BANK1: variants seen among roughly 807,000 people sequenced by gnomAD.
BANK1 encodes B cell scaffold protein with ankyrin repeats 1.
Under a neutral mutation model 94.5 loss-of-function variants are expected in BANK1, and 95 were observed. That is an observed-to-expected ratio of 1.00 (90% CI 0.85 to 1.19). The LOEUF is 1.19. Ranked by LOEUF, BANK1 falls within the 50% of genes most tolerant of loss-of-function variation. The probability of loss-of-function intolerance (pLI) is 0.00; values close to 1 mark genes in which losing one functional copy is unlikely to be tolerated. For synonymous variants in BANK1, 334 were observed against 308.4 expected (o/e 1.08, Z -0.87); for missense variants, 987 against 932.2 (o/e 1.06, Z -0.77).
At chr4:101,928,985 G>A (rs1723252870) in intron 7 of BANK1, among the ~76,000 whole-genome samples, 2 of 151,650 alleles carry the variant, frequency 1.3e-5, no homozygotes, top group South Asian at 4.1e-4. Flanking sequence ...GAGCTGTGAA[G>A]CCACCAAATA....
chr4:101,840,510 G>A (rs144720416), intron 2 of BANK1, among the ~76,000 whole-genome samples: 1 of 152,220 alleles, frequency 6.6e-6, no homozygotes, highest in Non-Finnish European at 1.5e-5. Context: ...ATGAGGGTAA[G>A]AAGCACCTGG....
chr4:102,040,888 C>T (rs75294718), intron 10 of BANK1, among the ~76,000 whole-genome samples: 4,179 of 151,976 alleles, frequency 0.027, 91 homozygotes, highest in African/African-American at 0.057. Flanking sequence ...AAATAAAGGC[C>T]AGAAGGGTGT....
rs750087209 is a variant in BANK1 at position 101,918,076 on chromosome 4, T to C, written c.1093T>C (p.Cys365Arg). The C allele has an allele frequency of 5.6e-6, 9 of 1,612,010 alleles. No homozygotes were observed. The highest frequency in any genetic ancestry group is 6.8e-6 in the Non-Finnish European group (8 of 1,178,646). ...GAACCTGGCTATTCATTTGCTTCAA[T>C]GTTCAGGAGCAACCTGGGCATCTAA... ...LKNLAIHLLQ[C>R]SGATWASKMK... The change falls in exon 7 of 17, where the codon TGT becomes CGT. Residue 365 changes from cysteine to arginine, a missense_variant. Cys to Arg is a radical substitution (Grantham distance 180). Transcript: ENST00000322953.
intron 1 of BANK1, among the ~76,000 whole-genome samples, chr4:101,815,224 C>T (rs1228809897): frequency 2.0e-5 from 3 of 152,114 alleles, no homozygotes; most frequent in African/African-American, 7.2e-5. Flanking sequence ...AACATATGCC[C>T]TCATGCTACA....
At chr4:101,796,704 A>G (rs1339565732) in intron 1 of BANK1, among the ~76,000 whole-genome samples, 1 of 152,208 alleles carries the variant, frequency 6.6e-6, no homozygotes, top group Non-Finnish European at 1.5e-5. Flanking sequence ...TTATGTAGCT[A>G]TAGATTTATA....
In BANK1 at chr4:101,855,046, T is replaced by A; in HGVS notation, c.481T>A (p.Tyr161Asn). 2 of 1,609,202 alleles carry A rather than the reference T, an allele frequency of 1.2e-6. No homozygotes were observed. Among genetic ancestry groups the A allele is most frequent in the Non-Finnish European group, 1.7e-6 (2 of 1,176,736 alleles). Residue 161 changes from tyrosine (Y) to asparagine (N), a missense_variant, in exon 3 of 17, where the codon TAC (tyrosine) becomes AAC (asparagine). Transcript: ENST00000322953. ...QSIIFKDSED[Y>N]FEVNIPTDLR... is the part of the protein sequence containing the mutation. ...AAAATTTTCTCTAGATTCTGAAGACTACTTTGAGGTCAACATTCCAACAGA... is the reference window on the plus strand; with the variant it reads ...AAAATTTTCTCTAGATTCTGAAGACAACTTTGAGGTCAACATTCCAACAGA...
At chr4:101,803,050 C>G (rs1268513863) in intron 1 of BANK1, among the ~76,000 whole-genome samples, 1 of 152,168 alleles carries the variant, frequency 6.6e-6, no homozygotes, top group African/African-American at 2.4e-5. Context: ...GCAACAATGT[C>G]TCTTCAATTT....
chr4:102,066,713 G>T (rs2148966295), intron 13 of BANK1, among the ~76,000 whole-genome samples: 1 of 152,284 alleles, frequency 6.6e-6, no homozygotes, highest in East Asian at 1.9e-4. Flanking sequence ...CATACAAGGT[G>T]AAGGGATATT....
At chr4:101,842,304 T>C (rs1727078323) in intron 2 of BANK1, among the ~76,000 whole-genome samples, 1 of 152,226 alleles carries the variant, frequency 6.6e-6, no homozygotes, top group Non-Finnish European at 1.5e-5. Flanking sequence ...TCTTCCATTA[T>C]TTGTTCACGA....
In BANK1 at chr4:102,074,567, T is replaced by C. The variant is rs1286581958; in HGVS notation, c.*568T>C. ...TGAAAACATTATTATTTGAAAACTTTTCTATATCTCAAATTAATATACATT... is the reference window on the plus strand; with the variant it reads ...TGAAAACATTATTATTTGAAAACTTCTCTATATCTCAAATTAATATACATT... On this transcript the variant is annotated 3_prime_UTR_variant, in exon 17 of 17. Transcript: ENST00000322953. The C allele has an allele frequency of 6.6e-6, 1 of 152,074 alleles. No homozygotes were observed. The highest frequency in any genetic ancestry group is 1.9e-4 in the East Asian group (1 of 5,206). 9.4% of individuals were successfully genotyped at this position (152,074 alleles called of 1,614,324 possible). A position where few individuals can be genotyped will look rare whatever the true frequency, so the allele number is the denominator to read the frequency against.
chr4:101,986,899 G>GTATATATGTATA (rs1725520868), intron 7 of BANK1, among the ~76,000 whole-genome samples: 1 of 82,670 alleles, frequency 1.2e-5, no homozygotes, highest in African/African-American at 6.4e-5. Flanking sequence ...GTGTGTGTGT[G>GTATATATGTATA]TATATATATA....
At chr4:101,804,918 C>T (rs1725503255) in intron 1 of BANK1, among the ~76,000 whole-genome samples, 2 of 152,084 alleles carry the variant, frequency 1.3e-5, no homozygotes, top group Non-Finnish European at 1.5e-5. Context: ...GTTCAAGCAT[C>T]AATTGTGTAA....
At chr4:102,062,350 A>G (rs1728445371) in intron 12 of BANK1, 1 of 152,198 alleles carries the variant, frequency 6.6e-6, no homozygotes, top group Non-Finnish European at 1.5e-5. Flanking sequence ...CAGAGTAAGA[A>G]GAAGAGTTTG....
chr4:102,024,092 AAAAC>A (rs1203348567), intron 8 of BANK1, among the ~76,000 whole-genome samples: 1 of 152,216 alleles, frequency 6.6e-6, no homozygotes, highest in Non-Finnish European at 1.5e-5. Context: ...AAAGAATAGA[AAAAC>A]AAAAAAAGAA....
chr4:101,900,076 T>C (rs985716259), intron 6 of BANK1, among the ~76,000 whole-genome samples: 1 of 152,174 alleles, frequency 6.6e-6, no homozygotes, highest in African/African-American at 2.4e-5. Context: ...ATGAAAAAGG[T>C]AAGCCTGTGG....
chr4:101,998,562 G>T (rs1725957436), intron 7 of BANK1, among the ~76,000 whole-genome samples: 1 of 152,108 alleles, frequency 6.6e-6, no homozygotes, highest in Admixed American at 6.6e-5. Flanking sequence ...TGTCTTTGTA[G>T]GTTTCTAAGA....
chr4:101,941,303 A>G (rs552456444), intron 7 of BANK1, among the ~76,000 whole-genome samples: 1 of 151,800 alleles, frequency 6.6e-6, no homozygotes, highest in African/African-American at 2.4e-5. Context: ...CCTAGTATCA[A>G]TCATTTCTCA....
At chr4:102,045,253 A>C (rs1727840649) in intron 11 of BANK1, among the ~76,000 whole-genome samples, 1 of 152,180 alleles carries the variant, frequency 6.6e-6, no homozygotes, top group Non-Finnish European at 1.5e-5. Flanking sequence ...TTCATGCTAA[A>C]AAATCTCAGT....
At chr4:101,863,354 A>C (rs920915307) in intron 4 of BANK1, among the ~76,000 whole-genome samples, 1 of 152,046 alleles carries the variant, frequency 6.6e-6, no homozygotes, top group Admixed American at 6.6e-5. Context: ...TACATTTATG[A>C]TGTCTTTTCC....
Sources: allele counts gnomAD v4.1 joint callset (sites outside exome capture counted in the v4.1 genomes callset), GRCh38; gene constraint gnomAD v4.1.1; transcripts MANE v1.5; gene names NCBI Gene and HGNC (gene_info 2026-07-23, HGNC 2026-07-21).